FABP1: variants seen among roughly 807,000 people sequenced by gnomAD.
The protein encoded by FABP1 is fatty acid-binding protein, liver.
A neutral mutation model predicts 13.7 loss-of-function variants in FABP1; 13 were observed. The observed-to-expected ratio is 0.95, with a 90% confidence interval of 0.62 to 1.51. The LOEUF (loss-of-function observed/expected upper bound fraction) is 1.51. Among genes scored for constraint, FABP1 ranks in the 40% most tolerant of loss-of-function variants. The probability of loss-of-function intolerance (pLI) is 0.00; values close to 1 mark genes in which losing one functional copy is unlikely to be tolerated. For synonymous variants in FABP1, 48 were observed against 59.8 expected (o/e 0.80, Z 0.91); for missense variants, 140 against 155.7 (o/e 0.90, Z 0.54).
At position 88,128,043 on chromosome 2, in the gene FABP1, G is replaced by A. The variant is rs370842868; in HGVS notation, c.-26C>T. The A allele has an allele frequency of 7.3e-5, 118 of 1,611,420 alleles. No homozygotes were observed. Among genetic ancestry groups the A allele is most frequent in the Middle Eastern group, 1.6e-4 (1 of 6,082 alleles). ...GGTGGCAATAGAGCTCCCTCTTCAC[G>A]ACTGACCTGCGGCTCTGCCGACCAG... is the stretch of plus-strand genomic sequence containing the variant. On this transcript the variant is annotated 5_prime_UTR_variant, in exon 1 of 4. Coordinates refer to ENST00000295834, the MANE Select transcript of FABP1 (RefSeq NM_001443.3).
At position 88,128,053 on chromosome 2, in the gene FABP1, C is replaced by A. The variant is rs372965385; in HGVS notation, c.-36G>T. 2 of 1,602,946 alleles carry A rather than the reference C, an allele frequency of 1.2e-6. No homozygotes were observed. The highest frequency in any genetic ancestry group is 1.3e-5 in the African/African-American group (1 of 74,842). On this transcript the variant is annotated 5_prime_UTR_variant, in exon 1 of 4. Coordinates refer to ENST00000295834, the MANE Select transcript of FABP1 (RefSeq NM_001443.3). Reference sequence around the variant, plus strand: ...GAGCTCCCTCTTCACGACTGACCTGCGGCTCTGCCGACCAGACTGTCCACT... The same window carrying A: ...GAGCTCCCTCTTCACGACTGACCTGAGGCTCTGCCGACCAGACTGTCCACT...
At position 88,123,452 on chromosome 2, in the gene FABP1, T is replaced by C. The variant is rs544673126; in HGVS notation, c.334-348A>G. Reference sequence around the variant, plus strand: ...TACCTACTATGCACCAAATACATGTTGAGCACCAAGGATACATGTACATGG... The same window carrying C: ...TACCTACTATGCACCAAATACATGTCGAGCACCAAGGATACATGTACATGG... On this transcript the variant is annotated intron_variant, in intron 3 of 3. Coordinates refer to ENST00000295834, the MANE Select transcript of FABP1 (RefSeq NM_001443.3). The C allele has an allele frequency of 3.1e-5, 8 of 261,286 alleles. No homozygotes were observed. In the South Asian group the frequency reaches 5.4e-4, roughly 18 times the overall value. 16.2% of individuals were successfully genotyped at this position (261,286 alleles called of 1,614,324 possible).
intron 3 of FABP1, 155 bp from the exon 4 acceptor site, chr2:88,123,259 G>C (rs769780753): frequency 2.0e-5 from 12 of 615,292 alleles, no homozygotes; most frequent in Admixed American, 6.5e-5. Context: ...CTGTAGGACC[G>C]GAGGAAAGGT....
chr2:88,126,341 C>T lies in FABP1; in HGVS notation c.75G>A (p.Pro25=), dbSNP rs145520267. The T allele has an allele frequency of 5.1e-5, 82 of 1,612,994 alleles. No individual in the cohort carries two copies. The highest frequency in any genetic ancestry group is 3.3e-4 in the Middle Eastern group (2 of 6,054). Residue 25 remains proline (P), a synonymous_variant, in exon 2 of 4, where the codon CCG becomes CCA. Coordinates refer to ENST00000295834, the MANE Select transcript of FABP1 (RefSeq NM_001443.3). The part of the protein sequence containing the change: ...FEAFMKAIGL[P]EELIQKGKDI... ...CCTTCCCCTTCTGGATGAGCTCTTC[C>T]GGCAGACCTGGTGGAAACCGTCTGA...
At chr2:88,127,925 G>A in intron 1 of FABP1, 26 bp downstream of exon 1, 1 of 1,612,894 alleles carries the variant, frequency 6.2e-7, no homozygotes, top group Non-Finnish European at 8.5e-7. Context: ...GTGACCCACA[G>A]CTTTGCCTTT....
intron 1 of FABP1, 50 bp from the exon 2 acceptor site, chr2:88,126,398 T>C: frequency 8.2e-6 from 13 of 1,578,664 alleles, no homozygotes; most frequent in Non-Finnish European, 1.0e-5. Flanking sequence ...GGGAGTTTCA[T>C]GACCGTGGTA....
chr2:88,127,227 C>T (rs930687064), intron 1 of FABP1, among the ~76,000 whole-genome samples: 2 of 152,166 alleles, frequency 1.3e-5, no homozygotes, highest in Admixed American at 1.3e-4. Context: ...TTTACCTCCA[C>T]TGAGCCATCC....
chr2:88,126,164 A>C lies in FABP1; in HGVS notation c.240+12T>G. 6.3e-7 allele frequency: 1 copy of C among 1,593,640 alleles called. No homozygotes were observed. Among genetic ancestry groups the C allele is most frequent in the Non-Finnish European group, 8.6e-7 (1 of 1,164,166 alleles). ...AAGGAAAGTTCTGACAGCAGAAGGG[A>C]TGCCCTCCTACCTTGACTTTCTCCC... On this transcript the variant is annotated intron_variant, in intron 2 of 3. Coordinates refer to ENST00000295834, the MANE Select transcript of FABP1 (RefSeq NM_001443.3).
chr2:88,123,143 T>C lies in FABP1; in HGVS notation c.334-39A>G, dbSNP rs569394500. On this transcript the variant is annotated intron_variant, in intron 3 of 3. Transcript: ENST00000295834. ...AAGAAATTATGAAGTGTTCATCTGA[T>C]GTTGTATTGTAAAAAACAAAATTAA... is the stretch of plus-strand genomic sequence containing the variant. 5.5e-5 allele frequency: 85 copies of C among 1,554,032 alleles called. No individual in the cohort carries two copies. In the South Asian group the frequency reaches 9.7e-4, roughly 18 times the overall value.
chr2:88,127,581 A>C (rs1010520435), intron 1 of FABP1, among the ~76,000 whole-genome samples: 1 of 152,070 alleles, frequency 6.6e-6, no homozygotes, highest in Admixed American at 6.5e-5. Flanking sequence ...AAAATGCCTT[A>C]TTGCCTTTAT....
chr2:88,127,950 C>T lies in FABP1; in HGVS notation c.67+1G>A. The T allele has an allele frequency of 6.2e-7, 1 of 1,614,168 alleles. No homozygotes were observed. The highest frequency in any genetic ancestry group is 8.5e-7 in the Non-Finnish European group (1 of 1,179,986). ...GCTTTGCCTTTCAGTCCAGCACTCA[C>T]CGATTGCCTTCATGAAGGCTTCAAA... On this transcript the variant is annotated splice_donor_variant, in intron 1 of 3. Coordinates refer to ENST00000295834, the MANE Select transcript of FABP1 (RefSeq NM_001443.3). LOFTEE classifies it high-confidence loss of function.
Position 88,124,260 on chromosome 2 carries a change from G to A in FABP1, c.333+234C>T, listed in dbSNP as rs992626988. 1.7e-5 allele frequency: 8 copies of A among 470,132 alleles called. No individual in the cohort carries two copies. In the Admixed American group the frequency reaches 2.2e-4, roughly 13 times the overall value. 29.1% of individuals were successfully genotyped at this position (470,132 alleles called of 1,614,324 possible). On this transcript the variant is annotated intron_variant, in intron 3 of 3. Transcript: ENST00000295834. ...ACCCTGGGCATGCAGGGCAGGTGGA[G>A]GCCTCTGTGGCTGGTTGGTTGCGCT...
At chr2:88,125,592 C>CACTG (rs1675281275) in intron 2 of FABP1, among the ~76,000 whole-genome samples, 1 of 152,222 alleles carries the variant, frequency 6.6e-6, no homozygotes, top group African/African-American at 2.4e-5. Flanking sequence ...TGCTGCCCTG[C>CACTG]ACTGCCTTCA....
chr2:88,126,422 A>G (rs1573134489), intron 1 of FABP1, 74 bp from the exon 2 acceptor site: 1 of 1,476,254 alleles, frequency 6.8e-7, no homozygotes, highest in Non-Finnish European at 9.4e-7. Context: ...AGGTGAGAGA[A>G]ACGACATGAC....
At position 88,124,667 on chromosome 2, in the gene FABP1, C is replaced by T. The variant is rs181844786; in HGVS notation, c.241-81G>A. 108 of 984,586 alleles carry T rather than the reference C, an allele frequency of 1.1e-4. No homozygotes were observed. The East Asian group carries it at 2.6e-3, about 23-fold the overall frequency. The allele number at this position is 984,586 out of a possible 1,614,324, so 61.0% of individuals were successfully genotyped here. Reference sequence around the variant, plus strand: ...TGCTAATGAAGTTGCTTCCTTTGCACAGGTCTCAGCTCATAACAACCAAAA... The same window carrying T: ...TGCTAATGAAGTTGCTTCCTTTGCATAGGTCTCAGCTCATAACAACCAAAA... On this transcript the variant is annotated intron_variant, in intron 2 of 3. Transcript: ENST00000295834.
chr2:88,126,507 G>T, intron 1 of FABP1, 159 bp from the exon 2 acceptor site: 1 of 692,966 alleles, frequency 1.4e-6, no homozygotes, highest in Non-Finnish European at 2.5e-6. Flanking sequence ...AGCAGCATCG[G>T]CTGTGGCCTC....
intron 2 of FABP1, 89 bp downstream of exon 2, chr2:88,126,087 G>C: frequency 7.3e-7 from 1 of 1,372,486 alleles, no homozygotes; most frequent in Non-Finnish European, 1.0e-6. Flanking sequence ...GTATCTGTGG[G>C]TGGAATTGTG....
chr2:88,126,170 T>C lies in FABP1; in HGVS notation c.240+6A>G. ...AGTTCTGACAGCAGAAGGGATGCCC[T>C]CCTACCTTGACTTTCTCCCCTGTCA... On this transcript the variant is annotated splice_donor_region_variant and intron_variant, in intron 2 of 3. Transcript: ENST00000295834. 6.3e-7 allele frequency: 1 copy of C among 1,599,864 alleles called. No homozygotes were observed. The highest frequency in any genetic ancestry group is 8.6e-7 in the Non-Finnish European group (1 of 1,168,838).
At chr2:88,125,736 A>G (rs899859278) in intron 2 of FABP1, among the ~76,000 whole-genome samples, 1 of 152,194 alleles carries the variant, frequency 6.6e-6, no homozygotes, top group Non-Finnish European at 1.5e-5. Flanking sequence ...ACCTCCTTCA[A>G]GAAGTCTCTC....
Sources: gnomAD v4.1 joint callset for allele counts (sites outside exome capture counted in the v4.1 genomes callset) on GRCh38, gnomAD v4.1.1 for gene constraint, MANE v1.5 for transcripts, NCBI Gene and HGNC (gene_info 2026-07-23, HGNC 2026-07-21) for gene names.